The following LRP1B variants were observed in gnomAD, a reference collection of about 807,000 sequenced individuals.
LRP1B encodes the protein LDL receptor related protein 1B, also known as low-density lipoprotein receptor-related protein 1B.
LRP1B carries 217 observed loss-of-function variants against 556.6 expected under a neutral mutation model. The ratio of observed to expected loss-of-function variants is 0.39; its 90% CI spans 0.35 to 0.44. The LOEUF (loss-of-function observed/expected upper bound fraction) is 0.44. Ranked by LOEUF, LRP1B falls within the 20% of genes least tolerant of loss-of-function variation. The pLI, the probability that LRP1B is intolerant of heterozygous loss-of-function variation, is 1.00. For missense variants in LRP1B, 5,053 were observed against 5,620.8 expected (o/e 0.90, Z 3.23); for synonymous variants, 2,047 against 1,865.8 (o/e 1.10, Z -2.50).
intron 24 of LRP1B, among the ~76,000 whole-genome samples, chr2:140,885,856 A>T: frequency 6.6e-6 from 1 of 151,100 alleles, no homozygotes; most frequent in Admixed American, 6.6e-5. Flanking sequence ...AATGGTATGT[A>T]ACAACCAGTC....
At chr2:141,608,952 A>G (rs1366329703) in intron 2 of LRP1B, among the ~76,000 whole-genome samples, 2 of 152,212 alleles carry the variant, frequency 1.3e-5, no homozygotes, top group Non-Finnish European at 2.9e-5. Context: ...CTGTTTGTCA[A>G]TGACCTGAGA....
intron 7 of LRP1B, among the ~76,000 whole-genome samples, chr2:141,116,299 A>T (rs4954886): frequency 0.87 from 131,885 of 152,186 alleles, 58,159 homozygotes; most frequent in East Asian, 0.99. Context: ...ATGATGGAAA[A>T]TGAATTAAAA....
chr2:140,356,063 G>A (rs753432405), intron 75 of LRP1B, among the ~76,000 whole-genome samples: 12 of 151,740 alleles, frequency 7.9e-5, no homozygotes, highest in South Asian at 2.1e-4. Context: ...CAGGAATTTC[G>A]TTATTTGCAT....
chr2:140,255,029 T>C (rs1681615528), intron 86 of LRP1B, among the ~76,000 whole-genome samples: 1 of 152,314 alleles, frequency 6.6e-6, no homozygotes, highest in East Asian at 1.9e-4. Context: ...TTAAAAATAA[T>C]GCAATCAAAA....
intron 2 of LRP1B, among the ~76,000 whole-genome samples, chr2:141,575,540 G>A (rs185941172): frequency 1.3e-3 from 204 of 152,078 alleles, no homozygotes; most frequent in African/African-American, 4.7e-3. Context: ...CACAGGCATG[G>A]GCAAAGACTT....
At chr2:140,654,051 A>T (rs13030668) in intron 41 of LRP1B, among the ~76,000 whole-genome samples, 3,424 of 147,542 alleles carry the variant, frequency 0.023, 92 homozygotes, top group African/African-American at 0.044. Flanking sequence ...AAAAAAAAAA[A>T]GAGAGAGAGT....
At chr2:141,111,500 C>CCT (rs537835693) in intron 7 of LRP1B, among the ~76,000 whole-genome samples, 71 of 152,248 alleles carry the variant, frequency 4.7e-4, no homozygotes, top group African/African-American at 1.7e-3. Context: ...CCCCAGAGAA[C>CCT]CTCCCTCCTG....
At chr2:140,859,830 T>C (rs966722373) in intron 27 of LRP1B, among the ~76,000 whole-genome samples, 4 of 151,728 alleles carry the variant, frequency 2.6e-5, no homozygotes, top group African/African-American at 9.7e-5. Flanking sequence ...CCATCTCTAC[T>C]AAAAATACAA....
chr2:141,513,498 T>G (rs1178223918), intron 2 of LRP1B, among the ~76,000 whole-genome samples: 3 of 152,148 alleles, frequency 2.0e-5, no homozygotes, highest in African/African-American at 7.2e-5. Flanking sequence ...GACTTTTAGA[T>G]GTATTATCTA....
At chr2:141,920,287 G>GC (rs747321883) in intron 1 of LRP1B, among the ~76,000 whole-genome samples, 1 of 133,030 alleles carries the variant, frequency 7.5e-6, no homozygotes, top group African/African-American at 2.8e-5. Flanking sequence ...TTTGGGGGGG[G>GC]GTGGTAGGGA....
At chr2:141,529,618 T>G (rs2105189164) in intron 2 of LRP1B, among the ~76,000 whole-genome samples, 1 of 152,282 alleles carries the variant, frequency 6.6e-6, no homozygotes, top group Non-Finnish European at 1.5e-5. Context: ...TCTGACTTTC[T>G]CAATACTTGA....
intron 2 of LRP1B, among the ~76,000 whole-genome samples, chr2:141,615,835 T>C (rs1237069163): frequency 6.6e-6 from 1 of 152,190 alleles, no homozygotes; most frequent in African/African-American, 2.4e-5. Flanking sequence ...GGATAAGATT[T>C]GGTAATAGCT....
At chr2:140,799,025 G>A (rs1690414500) in intron 32 of LRP1B, among the ~76,000 whole-genome samples, 1 of 151,978 alleles carries the variant, frequency 6.6e-6, no homozygotes, top group South Asian at 2.1e-4. Context: ...CATCACAGTG[G>A]TTAAAAAATA....
intron 11 of LRP1B, among the ~76,000 whole-genome samples, chr2:141,037,878 G>A (rs868353696): frequency 4.0e-5 from 6 of 150,014 alleles, no homozygotes; most frequent in South Asian, 4.3e-4. Flanking sequence ...ACATGCGCAC[G>A]TGCATGTACA....
At chr2:140,877,691 A>C (rs954604223) in intron 25 of LRP1B, among the ~76,000 whole-genome samples, 7 of 152,210 alleles carry the variant, frequency 4.6e-5, no homozygotes, top group East Asian at 1.9e-4. Context: ...TGTCTTATCT[A>C]CCTTGACCTG....
chr2:140,919,963 A>C (rs1171597147), intron 21 of LRP1B, among the ~76,000 whole-genome samples: 2 of 152,106 alleles, frequency 1.3e-5, no homozygotes, highest in Non-Finnish European at 2.9e-5. Flanking sequence ...AAAATGACTC[A>C]TTGAATATAT....
At chr2:140,935,994 T>C (rs1001597049) in intron 20 of LRP1B, among the ~76,000 whole-genome samples, 2 of 151,438 alleles carry the variant, frequency 1.3e-5, no homozygotes, top group Admixed American at 6.6e-5. Context: ...TTAGACTGAT[T>C]CTGTGTGTAT....
intron 7 of LRP1B, among the ~76,000 whole-genome samples, chr2:141,133,290 C>CTTTTTT (rs3063810): frequency 7.3e-6 from 1 of 137,236 alleles, no homozygotes; most frequent in African/African-American, 2.7e-5. Context: ...TGTAACGTCT[C>CTTTTTT]TTTTTTTTTT....
At chr2:140,257,123 T>C (rs1681729459) in intron 86 of LRP1B, among the ~76,000 whole-genome samples, 1 of 152,156 alleles carries the variant, frequency 6.6e-6, no homozygotes, top group South Asian at 2.1e-4. Flanking sequence ...CTAATTCTTG[T>C]CTAGGAATTG....
Sources: gnomAD v4.1 joint callset for allele counts (sites outside exome capture counted in the v4.1 genomes callset) on GRCh38, gnomAD v4.1.1 for gene constraint, MANE v1.5 for transcripts, NCBI Gene and HGNC (gene_info 2026-07-23, HGNC 2026-07-21) for gene names.